CDKAL1: variants seen among roughly 807,000 people sequenced by gnomAD.
The protein encoded by CDKAL1 is threonylcarbamoyladenosine tRNA methylthiotransferase.
A neutral mutation model predicts 68.2 loss-of-function variants in CDKAL1; 32 were observed. The ratio of observed to expected loss-of-function variants is 0.47; its 90% CI spans 0.35 to 0.63. The LOEUF (loss-of-function observed/expected upper bound fraction) is 0.63. Among genes scored for constraint, CDKAL1 ranks in the 30% least tolerant of loss-of-function variants. The probability of loss-of-function intolerance (pLI) is 0.00; values close to 1 mark genes in which losing one functional copy is unlikely to be tolerated. For missense variants in CDKAL1, 606 were observed against 696.7 expected (o/e 0.87, Z 1.47); for synonymous variants, 234 against 244.3 (o/e 0.96, Z 0.39).
At chr6:20,568,042 A>AT (rs1209773105) in intron 4 of CDKAL1, among the ~76,000 whole-genome samples, 1 of 151,854 alleles carries the variant, frequency 6.6e-6, no homozygotes. Flanking sequence ...CGCCCGGCTA[A>AT]TTTTTTTGTA....
intron 9 of CDKAL1, among the ~76,000 whole-genome samples, chr6:20,888,153 G>A (rs1406196508): frequency 6.6e-6 from 1 of 151,910 alleles, no homozygotes; most frequent in Non-Finnish European, 1.5e-5. Flanking sequence ...AGGCCCTGGT[G>A]TGTGATGTTC....
At chr6:20,844,837 G>A (rs1490121384) in intron 8 of CDKAL1, among the ~76,000 whole-genome samples, 1 of 152,154 alleles carries the variant, frequency 6.6e-6, no homozygotes, top group Non-Finnish European at 1.5e-5. Context: ...TATAGAAAGG[G>A]CAGAATATGT....
At chr6:20,648,402 A>G (rs1404514105) in intron 4 of CDKAL1, among the ~76,000 whole-genome samples, 3 of 152,100 alleles carry the variant, frequency 2.0e-5, no homozygotes, top group African/African-American at 7.2e-5. Flanking sequence ...TGCTGGGATT[A>G]CGGGAGTGAG....
At chr6:21,136,389 T>G (rs762107521) in intron 13 of CDKAL1, among the ~76,000 whole-genome samples, 1 of 152,252 alleles carries the variant, frequency 6.6e-6, no homozygotes, top group Non-Finnish European at 1.5e-5. Flanking sequence ...AGGATGGAGA[T>G]GAACAGCTAA....
chr6:20,889,564 G>A (rs1761271618), intron 9 of CDKAL1, among the ~76,000 whole-genome samples: 1 of 152,042 alleles, frequency 6.6e-6, no homozygotes, highest in African/African-American at 2.4e-5. Flanking sequence ...TGTAAGGAAG[G>A]GATCCAGTTT....
At chr6:20,812,607 G>C (rs1776869505) in intron 8 of CDKAL1, among the ~76,000 whole-genome samples, 1 of 152,096 alleles carries the variant, frequency 6.6e-6, no homozygotes, top group Non-Finnish European at 1.5e-5. Flanking sequence ...GCAGTTTCTA[G>C]AGTTTTACAT....
intron 4 of CDKAL1, among the ~76,000 whole-genome samples, chr6:20,567,143 G>A (rs1237831062): frequency 6.0e-5 from 9 of 151,218 alleles, no homozygotes; most frequent in Admixed American, 5.9e-4. Flanking sequence ...GAAAAACTTG[G>A]TAACTTTCAA....
At chr6:21,096,012 A>G (rs951943348) in intron 12 of CDKAL1, among the ~76,000 whole-genome samples, 1 of 152,186 alleles carries the variant, frequency 6.6e-6, no homozygotes, top group Non-Finnish European at 1.5e-5. Context: ...GATAGAAATG[A>G]TTTTTTACAG....
chr6:20,672,870 G>A (rs998708462), intron 5 of CDKAL1, among the ~76,000 whole-genome samples: 6 of 151,098 alleles, frequency 4.0e-5, no homozygotes, highest in Non-Finnish European at 5.9e-5. Flanking sequence ...TCTGCCCCCC[G>A]GGTTCAAGTG....
At chr6:20,724,488 G>A (rs1562055241) in intron 5 of CDKAL1, among the ~76,000 whole-genome samples, 1 of 152,048 alleles carries the variant, frequency 6.6e-6, no homozygotes, top group Non-Finnish European at 1.5e-5. Context: ...AGGCCAAGGA[G>A]GACAGATGGC....
At chr6:20,682,498 A>G (rs542015493) in intron 5 of CDKAL1, among the ~76,000 whole-genome samples, 12 of 152,326 alleles carry the variant, frequency 7.9e-5, no homozygotes, top group Admixed American at 7.2e-4. Flanking sequence ...GGAAGCAGGC[A>G]CAATCTTCAC....
At chr6:21,141,157 C>G (rs867270097) in intron 13 of CDKAL1, among the ~76,000 whole-genome samples, 2 of 152,184 alleles carry the variant, frequency 1.3e-5, no homozygotes, top group Admixed American at 1.3e-4. Context: ...CACCACTCCC[C>G]CCTTGCACGC....
intron 9 of CDKAL1, among the ~76,000 whole-genome samples, chr6:20,950,978 A>AAAAAAG (rs1390405838): frequency 2.0e-5 from 3 of 151,708 alleles, no homozygotes. Flanking sequence ...AGAAAAAAAA[A>AAAAAAG]AAAAGAAAAG....
intron 12 of CDKAL1, among the ~76,000 whole-genome samples, chr6:21,074,633 T>C (rs1216256051): frequency 1.3e-5 from 2 of 152,144 alleles, no homozygotes. Flanking sequence ...ACAGAAGATA[T>C]ATGATGTGCA....
chr6:20,671,345 C>T (rs1250170637), intron 5 of CDKAL1, among the ~76,000 whole-genome samples: 2 of 152,068 alleles, frequency 1.3e-5, no homozygotes, highest in Non-Finnish European at 2.9e-5. Context: ...TATTGTTTAT[C>T]TATTGTCTCT....
At chr6:20,978,130 G>A (rs1765930660) in intron 10 of CDKAL1, among the ~76,000 whole-genome samples, 1 of 152,188 alleles carries the variant, frequency 6.6e-6, no homozygotes, top group Non-Finnish European at 1.5e-5. Flanking sequence ...CTTTGGTTTT[G>A]TAACGTATCA....
chr6:20,944,170 G>A (rs1325213496), intron 9 of CDKAL1, among the ~76,000 whole-genome samples: 1 of 152,230 alleles, frequency 6.6e-6, no homozygotes, highest in Non-Finnish European at 1.5e-5. Context: ...CCTCCAGATA[G>A]TAATATGGGA....
At chr6:20,859,884 A>C (rs762807259) in intron 9 of CDKAL1, among the ~76,000 whole-genome samples, 1 of 152,138 alleles carries the variant, frequency 6.6e-6, no homozygotes, top group Non-Finnish European at 1.5e-5. Flanking sequence ...AGTTCCTTGA[A>C]TATAGCAATT....
chr6:21,173,852 T>G (rs1328630298), intron 13 of CDKAL1, among the ~76,000 whole-genome samples: 1 of 152,176 alleles, frequency 6.6e-6, no homozygotes, highest in African/African-American at 2.4e-5. Flanking sequence ...AGAGTAATCC[T>G]TGAGGACAGG....
Sources: allele counts gnomAD v4.1 joint callset (sites outside exome capture counted in the v4.1 genomes callset), GRCh38; gene constraint gnomAD v4.1.1; transcripts MANE v1.5; gene names NCBI Gene and HGNC (gene_info 2026-07-23, HGNC 2026-07-21).